The following BMAL1 variants were observed in gnomAD, a reference collection of about 807,000 sequenced individuals.
BMAL1 encodes the protein basic helix-loop-helix ARNT like 1, also known as basic helix-loop-helix ARNT-like protein 1.
the BMAL1 span, among the ~76,000 whole-genome samples, chr11:13,284,216 A>G: frequency 1.1e-3 from 19 of 16,884 alleles, 1 homozygote; most frequent in African/African-American, 1.7e-3. Flanking sequence ...ATATGTGTAT[A>G]TATATATATA....
chr11:13,376,602 G>T, the BMAL1 span: 14 of 1,602,964 alleles, frequency 8.7e-6, no homozygotes, highest in Non-Finnish European at 1.0e-5. Flanking sequence ...TTCTGAGCAG[G>T]CCTGACTCAC....
At chr11:13,356,104 G>A in the BMAL1 span, among the ~76,000 whole-genome samples, 4 of 152,134 alleles carry the variant, frequency 2.6e-5, no homozygotes, top group Non-Finnish European at 4.4e-5. Flanking sequence ...GGAGATCCTT[G>A]CTGTGACCCC....
At chr11:13,298,875 C>T in the BMAL1 span, among the ~76,000 whole-genome samples, 2 of 152,202 alleles carry the variant, frequency 1.3e-5, no homozygotes, top group Non-Finnish European at 2.9e-5. Context: ...TCTGTCTGCT[C>T]GGCATTTATC....
the BMAL1 span, chr11:13,386,917 T>A: frequency 2.6e-6 from 2 of 759,322 alleles, no homozygotes; most frequent in Non-Finnish European, 3.9e-6. Flanking sequence ...TTACTATATG[T>A]AACTTCAGAC....
At chr11:13,317,396 A>AT in the BMAL1 span, among the ~76,000 whole-genome samples, 1 of 152,208 alleles carries the variant, frequency 6.6e-6, no homozygotes, top group African/African-American at 2.4e-5. Flanking sequence ...GGTTTGTCAC[A>AT]TTGGCCTTTA....
the BMAL1 span, among the ~76,000 whole-genome samples, chr11:13,363,547 C>T: frequency 6.6e-6 from 1 of 152,180 alleles, no homozygotes; most frequent in African/African-American, 2.4e-5. Flanking sequence ...AGATGATGTT[C>T]AGACAGTTTG....
chr11:13,292,234 T>C, the BMAL1 span, among the ~76,000 whole-genome samples: 2 of 152,214 alleles, frequency 1.3e-5, no homozygotes, highest in Non-Finnish European at 2.9e-5. Flanking sequence ...GGAACACTTT[T>C]TTTTTTCACC....
the BMAL1 span, among the ~76,000 whole-genome samples, chr11:13,351,595 C>T: frequency 6.6e-6 from 1 of 152,052 alleles, no homozygotes; most frequent in South Asian, 2.1e-4. Context: ...CAGAAGAGGG[C>T]CCAGGACATC....
At chr11:13,321,304 C>A in the BMAL1 span, among the ~76,000 whole-genome samples, 1 of 152,264 alleles carries the variant, frequency 6.6e-6, no homozygotes, top group South Asian at 2.1e-4. Flanking sequence ...AAACTACCAA[C>A]CATTTGATGT....
chr11:13,374,326 G>T, the BMAL1 span: 1 of 800,206 alleles, frequency 1.2e-6, no homozygotes, highest in Non-Finnish European at 2.0e-6. Flanking sequence ...GGACTCTTCA[G>T]GTCAGAACAT....
At chr11:13,340,567 G>A in the BMAL1 span, among the ~76,000 whole-genome samples, 1 of 152,100 alleles carries the variant, frequency 6.6e-6, no homozygotes, top group African/African-American at 2.4e-5. Flanking sequence ...TTCCTGCTAT[G>A]AAATGCTGCG....
chr11:13,365,347 G>T, the BMAL1 span: 97 of 468,574 alleles, frequency 2.1e-4, no homozygotes, highest in Non-Finnish European at 2.6e-4. Flanking sequence ...AGAGACGTTT[G>T]TTTTCAGCAT....
the BMAL1 span, among the ~76,000 whole-genome samples, chr11:13,333,335 C>T: frequency 6.6e-6 from 1 of 152,218 alleles, no homozygotes; most frequent in Non-Finnish European, 1.5e-5. Context: ...TGTCATTTTA[C>T]ACATTCCCTG....
chr11:13,361,563 T>C, the BMAL1 span, among the ~76,000 whole-genome samples: 1 of 152,336 alleles, frequency 6.6e-6, no homozygotes, highest in Admixed American at 6.5e-5. Flanking sequence ...TTCAGCTCTC[T>C]ATAAGCCTGG....
the BMAL1 span, chr11:13,378,570 G>C: frequency 1.5e-6 from 2 of 1,337,478 alleles, no homozygotes; most frequent in South Asian, 1.3e-5. Context: ...GTGGGAGGTT[G>C]CTACTTAAAC....
the BMAL1 span, among the ~76,000 whole-genome samples, chr11:13,363,127 CATATATATATATATATATATATATAT>C: frequency 0.016 from 1,706 of 109,922 alleles, 67 homozygotes; most frequent in African/African-American, 0.054. Context: ...GTCTTTATTT[CATATATATATATATATATATATATAT>C]ATATATATAT....
At chr11:13,385,823 A>C in the BMAL1 span, 6 of 1,512,264 alleles carry the variant, frequency 4.0e-6, no homozygotes, top group Admixed American at 1.0e-4. Flanking sequence ...TTCCATTGCA[A>C]TGAGCTTGCA....
At chr11:13,338,534 T>C in the BMAL1 span, among the ~76,000 whole-genome samples, 2 of 152,230 alleles carry the variant, frequency 1.3e-5, no homozygotes, top group African/African-American at 4.8e-5. Context: ...TTACTGGTTT[T>C]TGATATCCTT....
At chr11:13,328,268 T>G in the BMAL1 span, among the ~76,000 whole-genome samples, 1 of 152,326 alleles carries the variant, frequency 6.6e-6, no homozygotes, top group African/African-American at 2.4e-5. Context: ...GGGTTTAATA[T>G]TCTCAATTCA....
Sources: gnomAD v4.1 joint callset for allele counts (sites outside exome capture counted in the v4.1 genomes callset) on GRCh38, gnomAD v4.1.1 for gene constraint, MANE v1.5 for transcripts, NCBI Gene and HGNC (gene_info 2026-07-23, HGNC 2026-07-21) for gene names.